TGFBR3: variants seen among roughly 807,000 people sequenced by gnomAD.
TGFBR3 encodes transforming growth factor beta receptor 3.
TGFBR3 carries 46 observed loss-of-function variants against 87.9 expected under a neutral mutation model. The observed-to-expected ratio is 0.52, with a 90% CI of 0.41 to 0.67. The LOEUF (loss-of-function observed/expected upper bound fraction) is 0.67, where lower values mean the gene tolerates loss of function less well. Ranked by LOEUF, TGFBR3 falls within the 30% of genes least tolerant of loss-of-function variation. TGFBR3 has a pLI of 0.00. For synonymous variants in TGFBR3, 381 were observed against 391.6 expected, an observed-to-expected ratio of 0.97 and a Z score of 0.32; for missense variants, 866 against 1,041.9, an observed-to-expected ratio of 0.83 and a Z score of 2.32.
intron 1 of TGFBR3, 45 bp from the exon 2 acceptor site, chr1:91,861,689 TAAAC>T (rs536882466): frequency 1.7e-4 from 116 of 684,066 alleles, no homozygotes; most frequent in Middle Eastern, 1.4e-3. Context: ...AGAAACTTCA[TAAAC>T]AAACAGACAC....
In TGFBR3 at chr1:91,717,130, C is replaced by A. The variant is rs796483819; in HGVS notation, c.1567-422G>T. On this transcript the variant is annotated intron_variant, in intron 10 of 16. Transcript: ENST00000212355. ...AACTCTAAGAACTACTAGCAGTTGG[C>A]GAATACAAGAAGCTTTGGTTATATA... 1.6e-4 allele frequency among the ~76,000 whole-genome samples: 24 copies of A among 152,098 alleles called. 1 individual carries two copies. Among genetic ancestry groups the A allele is most frequent in the African/African-American group, 5.5e-4 (23 of 41,470 alleles).
rs1301187759 is a variant in TGFBR3, at chr1:91,856,803, G to GCTACT, written c.61+4663_61+4667dup. ...CTGGTTCCAGGATGTCACACTGGTA[G>GCTACT]CTACTCACCTGGTATTTAATCAATC... is the stretch of plus-strand genomic sequence containing the variant. On this transcript the variant is annotated intron_variant, in intron 2 of 16. Transcript: ENST00000212355. 7.2e-5 allele frequency among the ~76,000 whole-genome samples: 11 copies of GCTACT among 152,330 alleles called. No homozygotes were observed. The East Asian group carries it at 1.9e-3, about 27-fold the overall frequency.
intron 3 of TGFBR3, among the ~76,000 whole-genome samples, chr1:91,759,712 C>T (rs1181294566): frequency 6.6e-6 from 1 of 152,178 alleles, no homozygotes; most frequent in Admixed American, 6.5e-5. Flanking sequence ...AGAGTGAACT[C>T]ATCAAACATA....
At chr1:91,864,493 G>C (rs2101208710) in intron 1 of TGFBR3, among the ~76,000 whole-genome samples, 2 of 152,288 alleles carry the variant, frequency 1.3e-5, no homozygotes, top group South Asian at 4.1e-4. Flanking sequence ...ACTGCTGTTT[G>C]TAACAAAAAG....
chr1:91,702,373 G>A (rs979346129), intron 14 of TGFBR3, among the ~76,000 whole-genome samples: 11 of 152,090 alleles, frequency 7.2e-5, no homozygotes, highest in South Asian at 2.1e-4. Flanking sequence ...ATCGCCGGGC[G>A]CGGTGGCTCA....
At chr1:91,758,875 A>C in intron 3 of TGFBR3, 125 bp from the exon 4 acceptor site, 16 of 1,170,370 alleles carry the variant, frequency 1.4e-5, no homozygotes, top group Non-Finnish European at 1.6e-5. Flanking sequence ...AATGTAGCTC[A>C]GATTCTATGA....
chr1:91,812,624 C>T (rs936981130), intron 2 of TGFBR3, among the ~76,000 whole-genome samples: 8 of 152,052 alleles, frequency 5.3e-5, no homozygotes, highest in African/African-American at 1.4e-4. Context: ...TTTTCGGTTT[C>T]GTTTTTGAGG....
intron 1 of TGFBR3, among the ~76,000 whole-genome samples, chr1:91,873,175 T>C (rs573030187): frequency 2.1e-4 from 32 of 152,148 alleles, no homozygotes; most frequent in African/African-American, 7.7e-4. Flanking sequence ...CTCACTATGT[T>C]ATCCAGGCTA....
chr1:91,852,100 T>G (rs1024343522), intron 2 of TGFBR3, among the ~76,000 whole-genome samples: 1 of 152,108 alleles, frequency 6.6e-6, no homozygotes, highest in Non-Finnish European at 1.5e-5. Flanking sequence ...AATACAAAAC[T>G]TAGCCAGGTG....
intron 16 of TGFBR3, among the ~76,000 whole-genome samples, chr1:91,691,391 T>C (rs1160926693): frequency 1.3e-5 from 2 of 152,066 alleles, no homozygotes; most frequent in African/African-American, 4.8e-5. Context: ...ACAGGTTATA[T>C]ACAAAAGGGA....
Position 91,680,811 on chromosome 1 carries a change from G to C in TGFBR3, c.*2928C>G. 1 of 452,456 alleles carries C rather than the reference G, an allele frequency of 2.2e-6. No individual in the cohort carries two copies. Among genetic ancestry groups the C allele is most frequent in the Non-Finnish European group, 4.4e-6 (1 of 225,818 alleles). 28.0% of individuals were successfully genotyped at this position (452,456 alleles called of 1,614,324 possible). A position where few individuals can be genotyped will look rare whatever the true frequency, so the allele number is the denominator to read the frequency against. On this transcript the variant is annotated 3_prime_UTR_variant, in exon 17 of 17. Transcript: ENST00000212355. ...ACACACTCACAATCATGCCCACTAAGAACACAAGCAGGAAATGGATTTACA... is the reference window on the plus strand; with the variant it reads ...ACACACTCACAATCATGCCCACTAACAACACAAGCAGGAAATGGATTTACA...
chr1:91,690,782 T>C (rs1671237577), intron 16 of TGFBR3, among the ~76,000 whole-genome samples: 1 of 152,080 alleles, frequency 6.6e-6, no homozygotes. Context: ...TATGGAAGCC[T>C]GAAGAGCTAA....
At chr1:91,833,545 A>C (rs1312264187) in intron 2 of TGFBR3, among the ~76,000 whole-genome samples, 1 of 150,944 alleles carries the variant, frequency 6.6e-6, no homozygotes, top group African/African-American at 2.4e-5. Context: ...AGACAGGTGG[A>C]TCATTTGAGA....
chr1:91,684,453 T>C (rs141973516), intron 16 of TGFBR3, among the ~76,000 whole-genome samples: 244 of 152,284 alleles, frequency 1.6e-3, no homozygotes, highest in African/African-American at 5.6e-3. Flanking sequence ...GAAAAACCTT[T>C]TGGGGAAGGG....
chr1:91,787,153 T>G (rs559665681), intron 3 of TGFBR3, among the ~76,000 whole-genome samples: 55 of 151,948 alleles, frequency 3.6e-4, no homozygotes, highest in African/African-American at 1.3e-3. Context: ...ATACAAAAAT[T>G]AGCTGGGCGT....
chr1:91,875,628 C>G (rs12128149), intron 1 of TGFBR3, among the ~76,000 whole-genome samples: 1 of 152,000 alleles, frequency 6.6e-6, no homozygotes, highest in African/African-American at 2.4e-5. Flanking sequence ...TGGCTCACGT[C>G]TATATTCCCA....
At chr1:91,848,477 C>T (rs1571569643) in intron 2 of TGFBR3, among the ~76,000 whole-genome samples, 1 of 152,104 alleles carries the variant, frequency 6.6e-6, no homozygotes, top group East Asian at 1.9e-4. Context: ...TATATTCCAC[C>T]TCTGGCAAAA....
intron 2 of TGFBR3, among the ~76,000 whole-genome samples, chr1:91,808,738 C>T (rs546938559): frequency 6.6e-6 from 1 of 152,254 alleles, no homozygotes; most frequent in African/African-American, 2.4e-5. Context: ...TCCCAGAGTA[C>T]TGGAAGTGAG....
intron 13 of TGFBR3, 143 bp downstream of exon 13, chr1:91,712,100 G>T: frequency 1.3e-6 from 1 of 763,060 alleles, no homozygotes; most frequent in Non-Finnish European, 2.2e-6. Flanking sequence ...AAAACTCACA[G>T]TTCCCTGCTA....
Sources: allele counts gnomAD v4.1 joint callset (sites outside exome capture counted in the v4.1 genomes callset), GRCh38; gene constraint gnomAD v4.1.1; transcripts MANE v1.5; gene names NCBI Gene and HGNC (gene_info 2026-07-23, HGNC 2026-07-21).